Variants in ATG9B observed in about 807,000 individuals in gnomAD.
ATG9B encodes autophagy-related protein 9B.
In ATG9B, 92 loss-of-function variants were observed where a neutral mutation model predicts 92.9. The observed-to-expected ratio is 0.99, with a 90% CI of 0.84 to 1.18. The LOEUF (loss-of-function observed/expected upper bound fraction) is 1.18, where lower values mean the gene tolerates loss of function less well. Ranked by LOEUF, ATG9B falls within the 50% of genes most tolerant of loss-of-function variation. The probability of loss-of-function intolerance (pLI) is 0.00; values close to 1 mark genes in which losing one functional copy is unlikely to be tolerated. For synonymous variants in ATG9B, 599 were observed against 551.4 expected, an observed-to-expected ratio of 1.09 and a Z score of -1.21; for missense variants, 1,344 against 1,235.0, an observed-to-expected ratio of 1.09 and a Z score of -1.32.
At position 151,019,282 on chromosome 7, in the gene ATG9B, C is replaced by T; in HGVS notation, c.1056G>A (p.Leu352=). Residue 352 remains leucine, a synonymous_variant, in exon 6 of 14, where the codon CTG becomes CTA. Transcript: ENST00000639579. ...TGCGGTGGTGGATGTCCAGCTCCGT[C>T]AGGGGCCGCGGCTGCACGCACAGGC... is the stretch of plus-strand genomic sequence containing the variant. ...SGGLCVQPRP[L]TELDIHHRIL... The T allele has an allele frequency of 6.3e-7, 1 of 1,586,270 alleles. No individual in the cohort carries two copies. The highest frequency in any genetic ancestry group is 8.5e-7 in the Non-Finnish European group (1 of 1,173,700).
chr7:151,018,716 G>A lies in ATG9B; in HGVS notation c.1622C>T (p.Ala541Val), dbSNP rs572833302. 5 of 1,597,490 alleles carry A rather than the reference G, an allele frequency of 3.1e-6. No individual in the cohort carries two copies. In the East Asian group the frequency reaches 9.2e-5, roughly 30 times the overall value. The change falls in exon 6 of 14, where the codon GCG (alanine) becomes GTG (valine). Residue 541 changes from alanine (A) to valine (V), a missense_variant. Physicochemically the swap from Ala to Val is moderately conservative, Grantham distance 64. Coordinates refer to ENST00000639579, the MANE Select transcript of ATG9B (RefSeq NM_001317056.2). The surrounding 1 kb of genome is among the most constrained non-coding windows in gnomAD (Gnocchi z 4.7). The stretch of plus-strand genomic sequence containing the variant: ...GTCGTAGACGGTGAGCACAAGCAGC[G>A]CGGCGAAGAGTGCACCCGCGAAGAA... ...LVFFAGALFA[A>V]LLVLTVYDED...
intron 5 of ATG9B, among the ~76,000 whole-genome samples, 155 bp from the exon 6 acceptor site, chr7:151,019,529 C>G (rs774408312): frequency 6.6e-6 from 1 of 152,214 alleles, no homozygotes. Context: ...CCTCTCCCAC[C>G]TTTCTCTTTC....
At chr7:151,013,235 G>A (rs1218541495), downstream of ATG9B, 2 of 1,612,470 alleles carry the variant, frequency 1.2e-6, no homozygotes, top group Non-Finnish European at 1.7e-6. Flanking sequence ...TTGCAGGGCT[G>A]CAGCCCACTC....
In ATG9B at chr7:151,018,292, A is replaced by C. The variant is rs768186880; in HGVS notation, c.1872+2T>G. ...TCAGCCCGCCGTCGCGCCCACCCTC[A>C]CCGCTCGGTACTGCAGCAGCTGCGC... On this transcript the variant is annotated splice_donor_variant, in intron 7 of 13. Transcript: ENST00000639579. LOFTEE classifies it high-confidence loss of function. This position sits in a 1 kb window ranked among gnomAD's most constrained non-coding sequence, Gnocchi z 4.7. 220 of 1,540,778 alleles carry C rather than the reference A, an allele frequency of 1.4e-4. 1 individual carries two copies. Among genetic ancestry groups the C allele is most frequent in the Non-Finnish European group, 9.7e-5 (112 of 1,153,444 alleles).
Position 151,021,318 on chromosome 7 carries a change from C to A in ATG9B, c.833G>T (p.Ser278Ile). 1 of 1,609,000 alleles carries A rather than the reference C, an allele frequency of 6.2e-7. No homozygotes were observed. Among genetic ancestry groups the A allele is most frequent in the Non-Finnish European group, 8.5e-7 (1 of 1,177,382 alleles). The change falls in exon 5 of 14, where the codon AGC becomes ATC. Residue 278 changes from serine (S) to isoleucine (I), a missense_variant. By Grantham distance (142) the Ser-to-Ile change is moderately radical (BLOSUM62 -2). Coordinates refer to ENST00000639579, the MANE Select transcript of ATG9B (RefSeq NM_001317056.2). ...GACCAGGAGGAGGACCAGCAGCGGG[C>A]TGGAGCGGATCCTGTATGGGGTTGG... Reference protein sequence around the residue: ...SAQCAERIRSSPLLVLLLVLA... With the variant: ...SAQCAERIRSIPLLVLLLVLA...
downstream of ATG9B, chr7:151,013,693 C>A (rs1164728811): frequency 1.3e-6 from 2 of 1,525,750 alleles, no homozygotes; most frequent in South Asian, 1.2e-5. Context: ...CCACCCCCAC[C>A]AGGGCCCGCC....
Position 151,016,485 on chromosome 7 carries a change from C to G in ATG9B, c.2466G>C (p.Gln822His). Residue 822 changes from glutamine (Q) to histidine (H), a missense_variant, in exon 11 of 14, where the codon CAG becomes CAC. By Grantham distance (24) the Gln-to-His change is conservative. Transcript: ENST00000639579. The part of the protein sequence containing the change: ...PGGTGGQKLA[Q>H]LPELASAEMS... ...TCTCGGCAGAAGCAAGTTCTGGGAG[C>G]TGGGCCAGCTTCTGGCCCCCAGTGC... The G allele has an allele frequency of 6.4e-7, 1 of 1,551,382 alleles. No homozygotes were observed. Among genetic ancestry groups the G allele is most frequent in the Non-Finnish European group, 8.7e-7 (1 of 1,146,962 alleles).
chr7:151,013,877 A>G (rs1795373166), downstream of ATG9B: 7 of 1,602,810 alleles, frequency 4.4e-6, no homozygotes, highest in South Asian at 4.5e-5. Flanking sequence ...GGAGGGCGAC[A>G]TGGAGCTGGA....
chr7:151,024,281 A>G lies in ATG9B; in HGVS notation c.143T>C (p.Ile48Thr). 7.0e-7 allele frequency: 1 copy of G among 1,422,116 alleles called. No homozygotes were observed. The highest frequency in any genetic ancestry group is 9.2e-7 in the Non-Finnish European group (1 of 1,083,382). 88.1% of individuals were successfully genotyped at this position (1,422,116 alleles called of 1,614,324 possible). A position where few individuals can be genotyped will look rare whatever the true frequency, so the allele number is the denominator to read the frequency against. The change falls in exon 1 of 14, where the codon ATC becomes ACC. Residue 48 changes from isoleucine (I) to threonine (T), a missense_variant. Physicochemically the swap from Ile to Thr is moderately conservative, Grantham distance 89. Transcript: ENST00000639579. ...GGCAGGGGACAGAGAGAAGATGGAG[A>G]TCCTCCCTCCCCCAGGTCCCCGGCA... is the stretch of plus-strand genomic sequence containing the variant. ...PSCRGPGGGR[I>T]SIFSLSPAPH...
At chr7:151,021,396 C>G in intron 4 of ATG9B, 67 bp from the exon 5 acceptor site, 1 of 1,492,648 alleles carries the variant, frequency 6.7e-7, no homozygotes, top group Non-Finnish European at 8.9e-7. Context: ...GACCAGACTT[C>G]GGGAGTGAGG....
At chr7:151,016,977 G>T in intron 9 of ATG9B, 59 bp downstream of exon 9, 2 of 1,528,754 alleles carry the variant, frequency 1.3e-6, no homozygotes, top group Admixed American at 3.9e-5. Context: ...TAGAGGGGAA[G>T]GGTTTGGAGA....
chr7:151,016,078 C>T, intron 12 of ATG9B, 31 bp downstream of exon 12: 1 of 1,544,344 alleles, frequency 6.5e-7, no homozygotes. Flanking sequence ...GTCCACCAGG[C>T]TCTGTCCCCT....
At chr7:151,021,119 C>A in intron 5 of ATG9B, 69 bp downstream of exon 5, 2 of 1,575,682 alleles carry the variant, frequency 1.3e-6, no homozygotes, top group Admixed American at 1.7e-5. Context: ...TGTACAGTCC[C>A]ACTTCTTCCC....
intron 4 of ATG9B, among the ~76,000 whole-genome samples, chr7:151,022,099 C>T (rs1292493579): frequency 6.7e-6 from 1 of 148,246 alleles, no homozygotes; most frequent in Non-Finnish European, 1.5e-5. Context: ...CGGCCCAGGT[C>T]TGGAACAGTT....
downstream of ATG9B, chr7:151,013,756 G>A (rs774430177): frequency 2.9e-5 from 47 of 1,610,870 alleles, no homozygotes; most frequent in Non-Finnish European, 9.3e-6. Flanking sequence ...GGACGGAGCT[G>A]GCTGCGGAGG....
At chr7:151,014,342 C>T (rs528444796), downstream of ATG9B, 519 of 708,416 alleles carry the variant, frequency 7.3e-4, 1 homozygote, top group Non-Finnish European at 1.0e-3. Context: ...CCTCTTTTCC[C>T]TCTCTAGGCC....
chr7:151,013,797 A>C, downstream of ATG9B: 4 of 1,610,968 alleles, frequency 2.5e-6, no homozygotes, highest in Non-Finnish European at 2.5e-6. Flanking sequence ...GAGCGGGGCC[A>C]CATGTTTGTC....
Position 151,019,028 on chromosome 7 carries a change from C to T in ATG9B, c.1310G>A (p.Arg437His). The T allele has an allele frequency of 2.3e-5, 35 of 1,546,318 alleles. No homozygotes were observed. The highest frequency in any genetic ancestry group is 2.9e-5 in the Non-Finnish European group (33 of 1,151,092). ...QRGALAARWG[R>H]TVLLLAALNL... ...CAGGGCGGCCAGCAGCAGCACTGTG[C>T]GCCCCCAGCGCGCTGCTAGGGCGCC... Residue 437 changes from arginine to histidine, a missense_variant, in exon 6 of 14, where the codon CGC (arginine) becomes CAC (histidine). Coordinates refer to ENST00000639579, the MANE Select transcript of ATG9B (RefSeq NM_001317056.2).
downstream of ATG9B, chr7:151,012,608 C>G: frequency 9.1e-7 from 1 of 1,095,158 alleles, no homozygotes; most frequent in South Asian, 1.6e-5. Context: ...CTCATGAGAC[C>G]AAGGGGAGGG....
Sources: allele counts gnomAD v4.1 joint callset (sites outside exome capture counted in the v4.1 genomes callset), GRCh38; gene constraint gnomAD v4.1.1; non-coding constraint Gnocchi (gnomAD v3.1); transcripts MANE v1.5; gene names NCBI Gene and HGNC (gene_info 2026-07-23, HGNC 2026-07-21).